SPSB4: variants seen among roughly 807,000 people sequenced by gnomAD.
SPSB4 encodes splA/ryanodine receptor domain and SOCS box containing 4.
Under a neutral mutation model 20.9 loss-of-function variants are expected in SPSB4, and 21 were observed. The ratio of observed to expected loss-of-function variants is 1.01; its 90% confidence interval spans 0.71 to 1.45. The LOEUF is 1.45. Ranked by LOEUF, SPSB4 falls within the 40% of genes most tolerant of loss-of-function variation. The pLI, the probability that SPSB4 is intolerant of heterozygous loss-of-function variation, is 0.00. For synonymous variants in SPSB4, 207 were observed against 183.8 expected, an observed-to-expected ratio of 1.13 and a Z score of -1.02; for missense variants, 399 against 399.2, an observed-to-expected ratio of 1.00 and a Z score of 0.00.
At chr3:141,087,111 C>T (rs1349402762) in intron 2 of SPSB4, among the ~76,000 whole-genome samples, 2 of 152,226 alleles carry the variant, frequency 1.3e-5, no homozygotes, top group Non-Finnish European at 2.9e-5. Context: ...CCTTCACAGC[C>T]AGATTTGCAT....
At chr3:141,126,159 C>T (rs776739370) in intron 2 of SPSB4, among the ~76,000 whole-genome samples, 1 of 152,178 alleles carries the variant, frequency 6.6e-6, no homozygotes, top group African/African-American at 2.4e-5. Flanking sequence ...CATTCAGTGG[C>T]CTCAGACAGG....
At position 141,054,737 on chromosome 3, in the gene SPSB4, G is replaced by A. The variant is rs148579980; in HGVS notation, c.-154+2745G>A. ...TCCCAGCACTTTGGGAGGCCGAGGC[G>A]GGGGGATCGCAAGGTCAGGAGATCG... On this transcript the variant is annotated intron_variant, in intron 1 of 2. Coordinates refer to ENST00000310546, the MANE Select transcript of SPSB4 (RefSeq NM_080862.3). Among the ~76,000 whole-genome samples the A allele has an allele frequency of 9.2e-5, 14 of 152,306 alleles. No individual in the cohort carries two copies. The East Asian group carries it at 1.2e-3, about 13-fold the overall frequency.
intron 2 of SPSB4, among the ~76,000 whole-genome samples, chr3:141,142,885 C>G (rs1459237806): frequency 7.8e-6 from 1 of 128,326 alleles, no homozygotes; most frequent in Non-Finnish European, 1.6e-5. Flanking sequence ...GGCATGATCT[C>G]AGCTCATTGC....
intron 2 of SPSB4, among the ~76,000 whole-genome samples, chr3:141,137,807 T>C (rs1277761647): frequency 6.6e-6 from 1 of 152,220 alleles, no homozygotes; most frequent in African/African-American, 2.4e-5. Context: ...TTTTTTTGTG[T>C]GTCTCTGACA....
chr3:141,068,395 T>C (rs1330738830), intron 2 of SPSB4, among the ~76,000 whole-genome samples: 1 of 152,174 alleles, frequency 6.6e-6, no homozygotes, highest in African/African-American at 2.4e-5. Context: ...TTCTGAGACA[T>C]AGTGACCAGG....
intron 2 of SPSB4, among the ~76,000 whole-genome samples, chr3:141,079,365 AG>A (rs1427583152): frequency 6.6e-6 from 1 of 152,190 alleles, no homozygotes; most frequent in African/African-American, 2.4e-5. Context: ...AGTATAGACA[AG>A]CTTCTTACTG....
intron 2 of SPSB4, among the ~76,000 whole-genome samples, chr3:141,088,589 C>G (rs547337150): frequency 6.6e-6 from 1 of 152,164 alleles, no homozygotes; most frequent in African/African-American, 2.4e-5. Context: ...CCGGGATGTG[C>G]AGGGGAGTTA....
At chr3:141,062,663 G>T (rs1937787748) in intron 1 of SPSB4, among the ~76,000 whole-genome samples, 1 of 152,118 alleles carries the variant, frequency 6.6e-6, no homozygotes, top group Non-Finnish European at 1.5e-5. Context: ...GTTGTTTAAA[G>T]AATTTTTTAA....
At chr3:141,115,481 T>C (rs2107799647) in intron 2 of SPSB4, 1 of 152,336 alleles carries the variant, frequency 6.6e-6, no homozygotes, top group Middle Eastern at 3.4e-3. Flanking sequence ...AAATGCCCCC[T>C]GCCCATAGCT....
chr3:141,144,548 G>A (rs185956183), intron 2 of SPSB4, among the ~76,000 whole-genome samples: 22 of 152,342 alleles, frequency 1.4e-4, no homozygotes, highest in Admixed American at 9.1e-4. Context: ...AGCTCTTAAA[G>A]TTCCACAGTG....
At chr3:141,134,641 C>A (rs112611288) in intron 2 of SPSB4, among the ~76,000 whole-genome samples, 5,072 of 152,206 alleles carry the variant, frequency 0.033, 108 homozygotes, top group South Asian at 0.057. Context: ...ATATGTTAAA[C>A]CATCCCTGCA....
At chr3:141,121,389 C>T (rs548981755) in intron 2 of SPSB4, among the ~76,000 whole-genome samples, 1 of 152,096 alleles carries the variant, frequency 6.6e-6, no homozygotes, top group Non-Finnish European at 1.5e-5. Context: ...AGTTATGTGT[C>T]TTGGGGTTGC....
Position 141,066,761 on chromosome 3 carries a change from C to T in SPSB4, c.657C>T (p.His219=). 6.3e-7 allele frequency: 1 copy of T among 1,581,792 alleles called. No homozygotes were observed. Residue 219 remains histidine (H), a synonymous_variant, in exon 2 of 3, where the codon CAC becomes CAT. Transcript: ENST00000310546. ...CGGTGGTGAGTGCCGTGTGGGGCCA[C>T]TGTGAAGTCACCATGCGCTACATCA... ...LYPVVSAVWG[H]CEVTMRYING...
rs551817591 is a variant in SPSB4 at position 141,143,700 on chromosome 3, G to A, written c.695-3442G>A. Among the ~76,000 whole-genome samples the A allele has an allele frequency of 8.5e-5, 13 of 152,372 alleles. No individual in the cohort carries two copies. The East Asian group carries it at 2.3e-3, about 27-fold the overall frequency. On this transcript the variant is annotated intron_variant, in intron 2 of 2. Transcript: ENST00000310546. The stretch of plus-strand genomic sequence containing the variant: ...TCCTGTTTCTCCTTCCTTGGAGCAA[G>A]GTTGTTCTGTCATGAGTTGCTGTAA...
intron 2 of SPSB4, among the ~76,000 whole-genome samples, chr3:141,103,977 G>T (rs1480391289): frequency 9.2e-5 from 14 of 152,170 alleles, no homozygotes; most frequent in Non-Finnish European, 2.1e-4. Flanking sequence ...TCACTTAAAA[G>T]GACCATTGAT....
At chr3:141,122,105 G>T (rs1015465488) in intron 2 of SPSB4, among the ~76,000 whole-genome samples, 8 of 152,150 alleles carry the variant, frequency 5.3e-5, no homozygotes, top group African/African-American at 1.4e-4. Context: ...TTTTGGTGTG[G>T]ATGTGCTTTT....
rs186429891 is a variant in SPSB4, at chr3:141,140,121, C to T, written c.695-7021C>T. 2.0e-4 allele frequency among the ~76,000 whole-genome samples: 30 copies of T among 152,226 alleles called. No homozygotes were observed. In the East Asian group the frequency reaches 3.3e-3, roughly 17 times the overall value. On this transcript the variant is annotated intron_variant, in intron 2 of 2. Coordinates refer to ENST00000310546, the MANE Select transcript of SPSB4 (RefSeq NM_080862.3). ...GCTGATACCCTTTCTTCCAGTTGAT[C>T]GCGTCAGTTACTGAGGCTTGTGCAT...
In SPSB4 at chr3:141,066,812, G is replaced by T; in HGVS notation, c.694+14G>T. The T allele has an allele frequency of 6.6e-7, 1 of 1,515,504 alleles. No homozygotes were observed. The highest frequency in any genetic ancestry group is 8.9e-7 in the Non-Finnish European group (1 of 1,128,158). 93.9% of individuals were successfully genotyped at this position (1,515,504 alleles called of 1,614,324 possible). A position where few individuals can be genotyped will look rare whatever the true frequency, so the allele number is the denominator to read the frequency against. ...ACGGCCTTGACCGTAAGTTGTGCTG[G>T]GCTGGGGGGCAGGGCTTTCAGAGGC... On this transcript the variant is annotated intron_variant, in intron 2 of 2. Transcript: ENST00000310546.
intron 2 of SPSB4, among the ~76,000 whole-genome samples, chr3:141,102,544 G>A (rs1204998842): frequency 6.6e-6 from 1 of 152,030 alleles, no homozygotes; most frequent in Admixed American, 6.6e-5. Context: ...TGAAGAAAAA[G>A]GTATTCTAGG....
Sources: gnomAD v4.1 joint callset for allele counts (sites outside exome capture counted in the v4.1 genomes callset) on GRCh38, gnomAD v4.1.1 for gene constraint, MANE v1.5 for transcripts, NCBI Gene and HGNC (gene_info 2026-07-23, HGNC 2026-07-21) for gene names.